The following PHKA1 variants were observed in gnomAD, a reference collection of about 807,000 sequenced individuals.
PHKA1 encodes the protein phosphorylase b kinase regulatory subunit alpha, skeletal muscle isoform.
In PHKA1, 60 loss-of-function variants were observed where a neutral mutation model predicts 110.2. The observed-to-expected ratio is 0.54, with a 90% CI of 0.44 to 0.68. The LOEUF (loss-of-function observed/expected upper bound fraction) is 0.68, where lower values mean the gene tolerates loss of function less well. PHKA1 is among the 30% of genes least tolerant of loss of function. The pLI is 0.00. For synonymous variants in PHKA1, 316 were observed against 333.6 expected (o/e 0.95, Z 0.58); for missense variants, 801 against 942.5 (o/e 0.85, Z 1.97).
In PHKA1 at chrX:72,667,418, T is replaced by A. The variant is rs1556306907; in HGVS notation, c.674A>T (p.Gln225Leu). ...LDLFGVKGGP[Q>L]SVIHVLADEV... The stretch of plus-strand genomic sequence containing the variant: ...ATCAGCCAGGACATGGATAACTGAT[T>A]GAGGCCCACCTTTCACACCAAACAG... Residue 225 changes from glutamine to leucine, a missense_variant, in exon 7 of 32, where the codon CAA becomes CTA. By Grantham distance (113) the Gln-to-Leu change is moderately radical. Around this residue, in one of 2 missense-constraint regions of PHKA1, gnomAD observed 299 missense variants for 423.3 expected, o/e 0.71. Coordinates refer to ENST00000373542, the MANE Select transcript of PHKA1 (RefSeq NM_002637.4). 1 of 1,210,667 alleles carries A rather than the reference T, an allele frequency of 8.3e-7. No individual in the cohort carries two copies. The highest frequency in any genetic ancestry group is 2.3e-4 in the Middle Eastern group (1 of 4,353).
chrX:72,628,815 T>TCAGCCTCC (rs1263919114), intron 16 of PHKA1, among the ~76,000 whole-genome samples: 2 of 108,677 alleles, frequency 1.8e-5, no homozygotes, highest in Admixed American at 2.0e-4. Context: ...ACTCCTGACC[T>TCAGCCTCC]CAAGTATCCT....
At chrX:72,628,615 A>C (rs1471824759) in intron 16 of PHKA1, among the ~76,000 whole-genome samples, 6 of 102,962 alleles carry the variant, frequency 5.8e-5, no homozygotes, top group African/African-American at 2.2e-4. Flanking sequence ...TTTCAAATGG[A>C]GTCTGCCTCT....
intron 2 of PHKA1, chrX:72,709,582 T>C (rs1274184853): frequency 9.0e-6 from 1 of 110,674 alleles, no homozygotes; most frequent in Non-Finnish European, 1.9e-5. Context: ...ATGAATTTAT[T>C]GGATTTAATC....
At chrX:72,698,940 A>T (rs782170475) in intron 3 of PHKA1, among the ~76,000 whole-genome samples, 2 of 112,093 alleles carry the variant, frequency 1.8e-5, no homozygotes, top group Non-Finnish European at 1.9e-5. Context: ...CACAGTTTTC[A>T]TAAATAATCA....
chrX:72,639,652 C>T (rs1278929797), intron 14 of PHKA1, among the ~76,000 whole-genome samples: 3 of 112,187 alleles, frequency 2.7e-5, no homozygotes, highest in African/African-American at 9.7e-5. Context: ...CTAATTTACA[C>T]TACCAGGAGT....
chrX:72,615,286 A>T (rs2052876294), intron 21 of PHKA1, among the ~76,000 whole-genome samples: 1 of 112,091 alleles, frequency 8.9e-6, no homozygotes, highest in Non-Finnish European at 1.9e-5. Flanking sequence ...AAAAGACATT[A>T]ATGAATAATA....
chrX:72,593,503 G>C (rs1240190590), intron 28 of PHKA1: 1 of 339,014 alleles, frequency 2.9e-6, no homozygotes, highest in Admixed American at 4.6e-5. Flanking sequence ...CACCATGCTC[G>C]GCTAACTTTT....
intron 21 of PHKA1, among the ~76,000 whole-genome samples, chrX:72,616,157 A>G (rs782345570): frequency 4.5e-5 from 5 of 111,328 alleles, no homozygotes; most frequent in South Asian, 3.9e-4. Context: ...CTTGAGCCCA[A>G]TAGTTTGAGA....
intron 6 of PHKA1, among the ~76,000 whole-genome samples, chrX:72,669,249 C>T (rs1382146891): frequency 1.8e-5 from 2 of 111,704 alleles, no homozygotes; most frequent in Non-Finnish European, 3.8e-5. Flanking sequence ...GTGGAAGCTG[C>T]AACCCCATGT....
chrX:72,598,831 C>T (rs370037939), intron 28 of PHKA1, among the ~76,000 whole-genome samples: 1 of 110,845 alleles, frequency 9.0e-6, no homozygotes, highest in East Asian at 2.8e-4. Flanking sequence ...AAAATAACTT[C>T]TCACGTTTTA....
chrX:72,675,994 ATTAAGTT>A, intron 6 of PHKA1, 69 bp downstream of exon 6: 1 of 729,198 alleles, frequency 1.4e-6, no homozygotes. Flanking sequence ...CCACAGTCAC[ATTAAGTT>A]TTATCTGTGA....
intron 12 of PHKA1, among the ~76,000 whole-genome samples, chrX:72,650,866 C>T (rs1452537527): frequency 3.6e-5 from 4 of 111,323 alleles, no homozygotes; most frequent in Admixed American, 9.5e-5. Context: ...GGACCACAGG[C>T]GTGTGCCACC....
chrX:72,707,230 G>A (rs782782555), intron 2 of PHKA1, among the ~76,000 whole-genome samples: 41 of 111,580 alleles, frequency 3.7e-4, no homozygotes, highest in Non-Finnish European at 7.0e-4. Flanking sequence ...CCTCTATCAG[G>A]TTTTGTAGAA....
At chrX:72,637,256 T>C (rs187814309) in intron 14 of PHKA1, among the ~76,000 whole-genome samples, 45 of 112,079 alleles carry the variant, frequency 4.0e-4, no homozygotes, top group Non-Finnish European at 8.1e-4. Context: ...CTGTTCTACT[T>C]TGTATCTCTA....
At chrX:72,621,062 A>G (rs2052972746) in intron 18 of PHKA1, among the ~76,000 whole-genome samples, 161 bp from the exon 19 acceptor site, 1 of 111,957 alleles carries the variant, frequency 8.9e-6, no homozygotes, top group Non-Finnish European at 1.9e-5. Flanking sequence ...TGATCATGAT[A>G]TAACCTCATC....
chrX:72,678,547 G>C (rs781789264), intron 5 of PHKA1, among the ~76,000 whole-genome samples: 12 of 111,584 alleles, frequency 1.1e-4, no homozygotes, highest in Non-Finnish European at 2.3e-4. Context: ...ATAATCATTG[G>C]ATATAATGGA....
At chrX:72,628,378 C>T (rs1035988036) in intron 16 of PHKA1, among the ~76,000 whole-genome samples, 2 of 108,631 alleles carry the variant, frequency 1.8e-5, no homozygotes, top group African/African-American at 3.3e-5. Flanking sequence ...TTACCCTTTT[C>T]GCTCTCATAT....
chrX:72,617,616 A>G (rs1366315708), intron 21 of PHKA1, among the ~76,000 whole-genome samples: 3 of 111,731 alleles, frequency 2.7e-5, no homozygotes, highest in Admixed American at 9.5e-5. Context: ...CAAGTAGGAA[A>G]CCCTAGAAGA....
At chrX:72,671,212 C>T (rs1471950296) in intron 6 of PHKA1, among the ~76,000 whole-genome samples, 12 of 111,324 alleles carry the variant, frequency 1.1e-4, no homozygotes, top group East Asian at 8.3e-4. Flanking sequence ...AAAATCTCCT[C>T]AAGCTGATAA....
Sources: allele counts gnomAD v4.1 joint callset (sites outside exome capture counted in the v4.1 genomes callset), GRCh38; gene constraint gnomAD v4.1.1; regional missense constraint gnomAD v4.1.1; transcripts MANE v1.5; gene names NCBI Gene and HGNC (gene_info 2026-07-23, HGNC 2026-07-21).